The following XIRP2 variants were observed in gnomAD, a reference collection of about 807,000 sequenced individuals.
XIRP2 encodes the protein xin actin-binding repeat-containing protein 2.
A neutral mutation model predicts 277.0 loss-of-function variants in XIRP2; 236 were observed. That is an observed-to-expected ratio of 0.85 (90% CI 0.77 to 0.95). XIRP2 has a LOEUF of 0.95. Among genes scored for constraint, XIRP2 ranks in the 40% least tolerant of loss-of-function variants. The pLI is 0.00. For synonymous variants in XIRP2, 1,490 were observed against 1,416.5 expected (o/e 1.05, Z -1.17); for missense variants, 4,640 against 4,157.5 (o/e 1.12, Z -3.19).
intron 2 of XIRP2, among the ~76,000 whole-genome samples, chr2:166,977,293 G>A (rs369409097): frequency 2.0e-5 from 3 of 151,822 alleles, no homozygotes; most frequent in African/African-American, 7.2e-5. Flanking sequence ...TCAATTATTA[G>A]TTCTTCAATA....
intron 2 of XIRP2, among the ~76,000 whole-genome samples, chr2:166,925,630 T>C (rs940330456): frequency 2.1e-5 from 3 of 141,440 alleles, no homozygotes; most frequent in Non-Finnish European, 4.6e-5. Flanking sequence ...TATATATACA[T>C]ATAAGTATAT....
intron 2 of XIRP2, among the ~76,000 whole-genome samples, chr2:167,024,259 G>T (rs997882882): frequency 6.6e-6 from 1 of 152,008 alleles, no homozygotes; most frequent in Non-Finnish European, 1.5e-5. Context: ...CTGTTTGTCT[G>T]TTATTGGTGT....
At chr2:167,065,665 A>G (rs1056100619) in intron 2 of XIRP2, among the ~76,000 whole-genome samples, 2 of 151,872 alleles carry the variant, frequency 1.3e-5, no homozygotes, top group African/African-American at 4.8e-5. Flanking sequence ...GTTCCTCCAC[A>G]CTGTCATAAT....
chr2:167,135,943 C>T lies in XIRP2; in HGVS notation c.443C>T (p.Ala148Val), dbSNP rs755576711. The change falls in exon 3 of 11, where the codon GCT (alanine) becomes GTT (valine). Residue 148 changes from alanine (A) to valine (V), a missense_variant. Physicochemically the swap from Ala to Val is moderately conservative, Grantham distance 64. Transcript: ENST00000409195. ...VEIERSLCSP[A>V]FKSHPGSQLE... is the part of the protein sequence containing the mutation. ...ATTGAGCGAAGTTTGTGCTCGCCAG[C>T]TTTTAAGAGTCACCCTGGGAGCCAG... 2 of 1,605,778 alleles carry T rather than the reference C, an allele frequency of 1.2e-6. No homozygotes were observed. The highest frequency in any genetic ancestry group is 1.7e-6 in the Non-Finnish European group (2 of 1,176,316).
intron 2 of XIRP2, among the ~76,000 whole-genome samples, chr2:167,083,944 C>T (rs1264071054): frequency 6.6e-6 from 1 of 151,032 alleles, no homozygotes; most frequent in Non-Finnish European, 1.5e-5. Context: ...CCTTCTCCTG[C>T]CTAATTGCCC....
At chr2:166,954,046 C>T (rs562406489) in intron 2 of XIRP2, among the ~76,000 whole-genome samples, 1 of 151,866 alleles carries the variant, frequency 6.6e-6, no homozygotes, top group African/African-American at 2.4e-5. Context: ...GTATTAAACC[C>T]ATCACTCCAA....
intron 2 of XIRP2, among the ~76,000 whole-genome samples, chr2:167,018,247 C>G (rs1272686563): frequency 6.6e-6 from 1 of 151,998 alleles, no homozygotes; most frequent in Admixed American, 6.6e-5. Context: ...TCCCAGGTCA[C>G]CTTAATGAAA....
In XIRP2 at chr2:167,083,091, G is replaced by A. The variant is rs1462113825; in HGVS notation, c.409-52818G>A. ...TTATGGTTTTAGGTCTAACATTTAA[G>A]TCTTTAATCCATCTTGAATTGATTT... On this transcript the variant is annotated intron_variant, in intron 2 of 10. Transcript: ENST00000409195. Among the ~76,000 whole-genome samples, 9 of 152,180 alleles carry A rather than the reference G, an allele frequency of 5.9e-5. 1 individual carries two copies. Among genetic ancestry groups the A allele is most frequent in the Non-Finnish European group, 1.5e-5 (1 of 68,038 alleles).
In XIRP2 at chr2:167,177,059, T is replaced by G. The variant is rs368718933; in HGVS notation, c.563-33676T>G. Among the ~76,000 whole-genome samples the G allele has an allele frequency of 3.6e-4, 55 of 152,308 alleles. No homozygotes were observed. The East Asian group carries it at 8.7e-3, about 24-fold the overall frequency. ...GTGAACTTCTATGGGAGACAGTTGG[T>G]GGGCAGGCGTAGATCTTCTTTGTGC... is the stretch of plus-strand genomic sequence containing the variant. On this transcript the variant is annotated intron_variant, in intron 3 of 10. Transcript: ENST00000409195.
intron 2 of XIRP2, among the ~76,000 whole-genome samples, chr2:167,058,044 A>ATTTTAT (rs1558964467): frequency 6.8e-6 from 1 of 147,626 alleles, no homozygotes; most frequent in Non-Finnish European, 1.5e-5. Flanking sequence ...ATTTTATTTT[A>ATTTTAT]TTTTATTTTA....
At chr2:167,012,605 A>G (rs1243581188) in intron 2 of XIRP2, among the ~76,000 whole-genome samples, 2 of 151,652 alleles carry the variant, frequency 1.3e-5, no homozygotes, top group Non-Finnish European at 3.0e-5. Flanking sequence ...ATAGTAGGCC[A>G]TATACTCACC....
Position 167,258,332 on chromosome 2 carries a change from C to T in XIRP2, c.*515C>T, listed in dbSNP as rs1401511614. 2 of 1,613,230 alleles carry T rather than the reference C, an allele frequency of 1.2e-6. No individual in the cohort carries two copies. Among genetic ancestry groups the T allele is most frequent in the African/African-American group, 2.7e-5 (2 of 74,822 alleles). ...AGAAAATAAAGGACAAAGACAAGATCACTTTCCATTTTTGCAGCCTTATCT... is the reference window on the plus strand; with the variant it reads ...AGAAAATAAAGGACAAAGACAAGATTACTTTCCATTTTTGCAGCCTTATCT... On this transcript the variant is annotated 3_prime_UTR_variant, in exon 11 of 11. Transcript: ENST00000409195.
chr2:167,078,741 G>T (rs1415202091), intron 2 of XIRP2, among the ~76,000 whole-genome samples: 1 of 151,662 alleles, frequency 6.6e-6, no homozygotes, highest in East Asian at 2.0e-4. Context: ...GGAGGCTGAG[G>T]CAGGAGAATG....
chr2:167,241,516 T>G (rs566456092), intron 7 of XIRP2, among the ~76,000 whole-genome samples: 1 of 152,322 alleles, frequency 6.6e-6, no homozygotes, highest in East Asian at 1.9e-4. Context: ...TGCTTGTACC[T>G]TGAATCTTTT....
At chr2:167,175,912 C>A (rs1004331171) in intron 3 of XIRP2, among the ~76,000 whole-genome samples, 2 of 152,150 alleles carry the variant, frequency 1.3e-5, no homozygotes, top group Non-Finnish European at 2.9e-5. Context: ...GCTTTGTTTA[C>A]CCTGTGAGGG....
chr2:167,007,108 A>T (rs1222439793), intron 2 of XIRP2, among the ~76,000 whole-genome samples: 2 of 151,672 alleles, frequency 1.3e-5, no homozygotes, highest in Non-Finnish European at 3.0e-5. Flanking sequence ...GATTCTTCAC[A>T]GACATTGAAA....
At chr2:167,078,498 A>G (rs1458200902) in intron 2 of XIRP2, among the ~76,000 whole-genome samples, 1 of 152,046 alleles carries the variant, frequency 6.6e-6, no homozygotes, top group South Asian at 2.1e-4. Flanking sequence ...TGGGACTTCC[A>G]GTACTATTAG....
chr2:167,205,256 T>C (rs923231195), intron 3 of XIRP2, among the ~76,000 whole-genome samples: 7 of 152,192 alleles, frequency 4.6e-5, no homozygotes, highest in Admixed American at 4.6e-4. Flanking sequence ...CCCTGAAAGA[T>C]AGTGAATGTA....
rs138977006 is a variant in XIRP2 at position 166,939,679 on chromosome 2, CAAAAAAA to C, written c.408+35802_408+35808del. 9.3e-4 allele frequency among the ~76,000 whole-genome samples: 84 copies of C among 90,670 alleles called. 1 individual carries two copies. Among genetic ancestry groups the C allele is most frequent in the East Asian group, 2.0e-3 (7 of 3,472 alleles). 59.5% of individuals were successfully genotyped at this position (90,670 alleles called of 152,430 possible). ...TGGGCGAAAGAGCAAGACTCCATCA[CAAAAAAA>C]AAAAAAAAAAAACAAAAAACAAAAA... is the stretch of plus-strand genomic sequence containing the variant. On this transcript the variant is annotated intron_variant, in intron 2 of 10. Coordinates refer to ENST00000409195, the MANE Select transcript of XIRP2 (RefSeq NM_152381.6).
Sources: gnomAD v4.1 joint callset for allele counts (sites outside exome capture counted in the v4.1 genomes callset) on GRCh38, gnomAD v4.1.1 for gene constraint, MANE v1.5 for transcripts, NCBI Gene and HGNC (gene_info 2026-07-23, HGNC 2026-07-21) for gene names.